Variants in AFF2 observed in about 807,000 individuals in gnomAD.
The protein encoded by AFF2 is ALF transcription elongation factor 2, also known as AF4/FMR2 family member 2.
AFF2 carries 14 observed loss-of-function variants against 76.9 expected under a neutral mutation model. The ratio of observed to expected loss-of-function variants is 0.18; its 90% confidence interval spans 0.12 to 0.28. The LOEUF is 0.28. Among genes scored for constraint, AFF2 ranks in the 10% least tolerant of loss-of-function variants. The probability of loss-of-function intolerance (pLI) is 1.00; values close to 1 mark genes in which losing one functional copy is unlikely to be tolerated. For missense variants in AFF2, 868 were observed against 1,001.1 expected, an observed-to-expected ratio of 0.87 and a Z score of 1.79; for synonymous variants, 398 against 366.7, an observed-to-expected ratio of 1.09 and a Z score of -0.98.
chrX:148,783,326 A>G (rs781870359), intron 3 of AFF2, among the ~76,000 whole-genome samples: 2 of 111,792 alleles, frequency 1.8e-5, no homozygotes, highest in African/African-American at 6.5e-5. Flanking sequence ...TTATGAAGAC[A>G]TAAAGATCAA....
At chrX:148,976,995 G>A (rs1557290334) in intron 16 of AFF2, among the ~76,000 whole-genome samples, 1 of 112,275 alleles carries the variant, frequency 8.9e-6, no homozygotes, top group Admixed American at 9.4e-5. Context: ...GGGCTCCCCA[G>A]TGTTCTGCGG....
chrX:148,970,352 C>T (rs2072234899), intron 15 of AFF2, among the ~76,000 whole-genome samples: 2 of 111,967 alleles, frequency 1.8e-5, no homozygotes, highest in African/African-American at 3.2e-5. Context: ...TAATCCTTTG[C>T]TAGAGACAGC....
intron 1 of AFF2, among the ~76,000 whole-genome samples, chrX:148,611,242 A>G (rs1045163126): frequency 4.5e-5 from 5 of 111,931 alleles, no homozygotes; most frequent in Non-Finnish European, 9.4e-5. Flanking sequence ...AGGCAGTGAG[A>G]TATTTGGAAG....
At chrX:148,676,568 A>T (rs1305784444) in intron 3 of AFF2, among the ~76,000 whole-genome samples, 1 of 112,181 alleles carries the variant, frequency 8.9e-6, no homozygotes, top group Non-Finnish European at 1.9e-5. Flanking sequence ...AAAAACAGAA[A>T]AGCCACAGTG....
intron 2 of AFF2, among the ~76,000 whole-genome samples, chrX:148,656,539 G>A (rs1178096690): frequency 1.2e-5 from 1 of 82,531 alleles, no homozygotes; most frequent in African/African-American, 5.0e-5. Flanking sequence ...TCGCTCTGTC[G>A]CCCAGGCTGG....
chrX:148,647,305 A>G (rs189523933), intron 1 of AFF2, among the ~76,000 whole-genome samples: 1 of 112,704 alleles, frequency 8.9e-6, no homozygotes, highest in East Asian at 2.8e-4. Flanking sequence ...AGTAAATCAT[A>G]TATTAGCAGT....
At chrX:148,792,430 G>T (rs2069909077) in intron 3 of AFF2, among the ~76,000 whole-genome samples, 1 of 112,647 alleles carries the variant, frequency 8.9e-6, no homozygotes, top group Admixed American at 9.3e-5. Context: ...TCCAGCCTGG[G>T]CGATAAGAGC....
rs1569552753 is a variant in AFF2 at position 148,662,252 on chromosome X, T to C, written c.525T>C (p.Ser175=). Residue 175 remains serine (S), a synonymous_variant, in exon 3 of 21, where the codon AGT becomes AGC. Coordinates refer to ENST00000370460, the MANE Select transcript of AFF2 (RefSeq NM_002025.4). Reference sequence around the variant, plus strand: ...GCACTGTACTGGCAAGCCAGGCCAGTGGTCAGCCAAACAAGATGCAGACTT... The same window carrying C: ...GCACTGTACTGGCAAGCCAGGCCAGCGGTCAGCCAAACAAGATGCAGACTT... The part of the protein sequence containing the change: ...NPSTVLASQA[S]GQPNKMQTLT... 8.3e-7 allele frequency: 1 copy of C among 1,211,779 alleles called. No individual in the cohort carries two copies. The highest frequency in any genetic ancestry group is 1.1e-6 in the Non-Finnish European group (1 of 895,560).
At chrX:148,788,642 G>C (rs1208031353) in intron 3 of AFF2, among the ~76,000 whole-genome samples, 3 of 111,702 alleles carry the variant, frequency 2.7e-5, no homozygotes, top group African/African-American at 9.8e-5. Context: ...GTTGTGCTTC[G>C]CATGGTAATG....
At chrX:148,709,891 G>C (rs1410047706) in intron 3 of AFF2, among the ~76,000 whole-genome samples, 4 of 112,003 alleles carry the variant, frequency 3.6e-5, no homozygotes, top group Non-Finnish European at 7.5e-5. Context: ...TCTCTTTAGA[G>C]GGCTTTTCAA....
intron 15 of AFF2, among the ~76,000 whole-genome samples, chrX:148,968,161 G>A (rs2072204335): frequency 9.0e-6 from 1 of 111,210 alleles, no homozygotes; most frequent in Non-Finnish European, 1.9e-5. Context: ...CATGTTTTCA[G>A]AGTGAGCCCC....
chrX:148,536,162 G>T (rs2124255369), intron 1 of AFF2, among the ~76,000 whole-genome samples: 1 of 108,053 alleles, frequency 9.3e-6, no homozygotes, highest in Admixed American at 9.9e-5. Flanking sequence ...GTGGGCCAAA[G>T]ATTGTACCAC....
intron 3 of AFF2, among the ~76,000 whole-genome samples, chrX:148,710,363 C>A (rs1396175747): frequency 1.8e-5 from 2 of 111,867 alleles, no homozygotes; most frequent in African/African-American, 6.5e-5. Context: ...ATCACATAGG[C>A]AATATAGACT....
intron 1 of AFF2, among the ~76,000 whole-genome samples, chrX:148,628,663 A>G (rs1420700433): frequency 3.6e-5 from 4 of 112,092 alleles, no homozygotes; most frequent in Non-Finnish European, 5.6e-5. Flanking sequence ...AGAGAAAGCT[A>G]GCTATGATAT....
intron 3 of AFF2, among the ~76,000 whole-genome samples, chrX:148,663,012 T>A (rs1038130300): frequency 8.9e-6 from 1 of 112,211 alleles, no homozygotes; most frequent in Non-Finnish European, 1.9e-5. Context: ...ACTGAAAGAA[T>A]GACAAGTTGG....
Position 148,668,042 on chromosome X carries a change from C to T in AFF2, c.1041+5274C>T, listed in dbSNP as rs146528667. ...TTTCTGGATACAATGGAGGTACAAG[C>T]ATTGGGTAAATACAGCTATTCCAAA... On this transcript the variant is annotated intron_variant, in intron 3 of 20. Coordinates refer to ENST00000370460, the MANE Select transcript of AFF2 (RefSeq NM_002025.4). 4.6e-3 allele frequency among the ~76,000 whole-genome samples: 518 copies of T among 113,079 alleles called. 4 individuals are homozygous for T. Among genetic ancestry groups the T allele is most frequent in the African/African-American group, 0.015 (482 of 31,177 alleles).
At chrX:148,985,272 C>A (rs1349649537) in intron 19 of AFF2, among the ~76,000 whole-genome samples, 1 of 94,091 alleles carries the variant, frequency 1.1e-5, no homozygotes, top group Non-Finnish European at 2.1e-5. Flanking sequence ...AGGCATGAGC[C>A]CCTGTGCCTG....
chrX:148,661,025 C>G (rs1163522833), intron 2 of AFF2, among the ~76,000 whole-genome samples: 1 of 112,248 alleles, frequency 8.9e-6, no homozygotes, highest in Non-Finnish European at 1.9e-5. Flanking sequence ...ACCAATACAT[C>G]CTACAGGGGG....
chrX:148,823,627 A>G (rs1417783582), intron 4 of AFF2, among the ~76,000 whole-genome samples: 16 of 111,311 alleles, frequency 1.4e-4, no homozygotes, highest in Non-Finnish European at 1.9e-5. Flanking sequence ...TCATAAAATA[A>G]AATCAAATAT....
Sources: allele counts gnomAD v4.1 joint callset (sites outside exome capture counted in the v4.1 genomes callset), GRCh38; gene constraint gnomAD v4.1.1; transcripts MANE v1.5; gene names NCBI Gene and HGNC (gene_info 2026-07-23, HGNC 2026-07-21).